The following NAALADL2 variants were observed in gnomAD, a reference collection of about 807,000 sequenced individuals.
NAALADL2 encodes the protein inactive N-acetylated-alpha-linked acidic dipeptidase-like protein 2.
In NAALADL2, 76 loss-of-function variants were observed where a neutral mutation model predicts 87.2. The observed-to-expected ratio is 0.87, with a 90% CI of 0.72 to 1.05. The LOEUF (loss-of-function observed/expected upper bound fraction) is 1.05. Ranked by LOEUF, NAALADL2 falls within the 50% of genes least tolerant of loss-of-function variation. The pLI is 0.00. For missense variants in NAALADL2, 1,089 were observed against 945.8 expected, an observed-to-expected ratio of 1.15 and a Z score of -1.99; for synonymous variants, 354 against 331.0, an observed-to-expected ratio of 1.07 and a Z score of -0.75.
intron 11 of NAALADL2, among the ~76,000 whole-genome samples, chr3:175,667,543 T>C (rs1172641436): frequency 1.3e-5 from 2 of 152,170 alleles, no homozygotes; most frequent in Non-Finnish European, 2.9e-5. Context: ...CTTTGAGTAC[T>C]ATTTTTATTG....
intron 3 of NAALADL2, among the ~76,000 whole-genome samples, chr3:175,247,563 A>G (rs1748213903): frequency 9.3e-6 from 1 of 107,754 alleles, no homozygotes; most frequent in African/African-American, 3.5e-5. Flanking sequence ...TGGGACATAT[A>G]CAACTCCAGC....
At position 175,122,433 on chromosome 3, in the gene NAALADL2, A is replaced by T. The variant is rs367579685; in HGVS notation, c.545+25142A>T. ...TGCATTGAGATGTAAAATATTAAGT[A>T]TATTCATGTTTATGAATAGGTGTAA... On this transcript the variant is annotated intron_variant, in intron 2 of 13. Coordinates refer to ENST00000454872, the MANE Select transcript of NAALADL2 (RefSeq NM_207015.3). Among the ~76,000 whole-genome samples the T allele has an allele frequency of 2.5e-4, 38 of 152,012 alleles. 1 individual carries two copies. In the South Asian group the frequency reaches 7.7e-3, roughly 31 times the overall value.
chr3:174,726,232 A>G (rs2108966897), intron 2 of NAALADL2, among the ~76,000 whole-genome samples: 1 of 152,256 alleles, frequency 6.6e-6, no homozygotes, highest in East Asian at 1.9e-4. Flanking sequence ...ACCAAGTGGA[A>G]AAGTTAATAA....
At chr3:174,797,179 A>G (rs1359469083) in intron 3 of NAALADL2, among the ~76,000 whole-genome samples, 2 of 151,958 alleles carry the variant, frequency 1.3e-5, no homozygotes, top group East Asian at 1.9e-4. Context: ...GCATTTGGCA[A>G]TCGAATTTTC....
intron 1 of NAALADL2, among the ~76,000 whole-genome samples, chr3:175,004,328 A>T (rs1212281271): frequency 2.2e-5 from 3 of 137,104 alleles, no homozygotes; most frequent in Non-Finnish European, 3.1e-5. Flanking sequence ...ACAGTGAGCC[A>T]TGTTCACGCC....
chr3:175,284,007 C>T (rs1754660100), intron 4 of NAALADL2, among the ~76,000 whole-genome samples: 1 of 152,150 alleles, frequency 6.6e-6, no homozygotes, highest in Admixed American at 6.5e-5. Context: ...TCCTTGCACC[C>T]TCAAAACTTC....
intron 3 of NAALADL2, among the ~76,000 whole-genome samples, chr3:174,765,869 T>C (rs1713743445): frequency 6.6e-6 from 1 of 152,112 alleles, no homozygotes; most frequent in African/African-American, 2.4e-5. Flanking sequence ...GTAAAAGAAA[T>C]GATAGAGGAG....
chr3:174,600,388 C>T (rs1376806524), intron 2 of NAALADL2, among the ~76,000 whole-genome samples: 1 of 151,988 alleles, frequency 6.6e-6, no homozygotes, highest in Non-Finnish European at 1.5e-5. Flanking sequence ...TTACTGTTTA[C>T]AATATACCTT....
intron 11 of NAALADL2, among the ~76,000 whole-genome samples, chr3:175,648,031 C>T (rs1008871085): frequency 3.3e-5 from 5 of 152,204 alleles, no homozygotes; most frequent in Non-Finnish European, 7.3e-5. Context: ...CATGTTTTGT[C>T]TTTCCATTCT....
At chr3:174,860,123 T>C (rs1249475358) in intron 1 of NAALADL2, among the ~76,000 whole-genome samples, 1 of 152,122 alleles carries the variant, frequency 6.6e-6, no homozygotes, top group Non-Finnish European at 1.5e-5. Flanking sequence ...ACAAAAGTTA[T>C]TTCTTAAAGA....
At chr3:175,493,813 T>C (rs543750019) in intron 9 of NAALADL2, among the ~76,000 whole-genome samples, 2 of 152,240 alleles carry the variant, frequency 1.3e-5, no homozygotes, top group East Asian at 3.9e-4. Context: ...TTAAAAACTA[T>C]TGTCGGAACT....
intron 5 of NAALADL2, among the ~76,000 whole-genome samples, chr3:175,420,977 AG>A (rs1488380845): frequency 6.6e-6 from 1 of 152,070 alleles, no homozygotes; most frequent in African/African-American, 2.4e-5. Flanking sequence ...TCATACTTAG[AG>A]GTTAGAAGTA....
At chr3:175,800,615 G>A (rs576739342) in intron 13 of NAALADL2, among the ~76,000 whole-genome samples, 61 of 152,060 alleles carry the variant, frequency 4.0e-4, no homozygotes, top group African/African-American at 1.2e-3. Flanking sequence ...ATACAAAATC[G>A]ACTGTTCTTC....
At chr3:175,018,889 C>T (rs1751204682) in intron 1 of NAALADL2, among the ~76,000 whole-genome samples, 1 of 152,024 alleles carries the variant, frequency 6.6e-6, no homozygotes, top group African/African-American at 2.4e-5. Flanking sequence ...AAAGGCTGAC[C>T]ACTAAAACTT....
At chr3:175,309,377 G>A (rs9832432) in intron 4 of NAALADL2, among the ~76,000 whole-genome samples, 1 of 151,800 alleles carries the variant, frequency 6.6e-6, no homozygotes, top group East Asian at 1.9e-4. Flanking sequence ...GTAGAGACAG[G>A]GTTTCACCAT....
At chr3:175,389,589 A>G (rs1768833840) in intron 5 of NAALADL2, among the ~76,000 whole-genome samples, 1 of 152,212 alleles carries the variant, frequency 6.6e-6, no homozygotes, top group Non-Finnish European at 1.5e-5. Flanking sequence ...TGAATGATTT[A>G]TCCTGTCTTT....
intron 10 of NAALADL2, among the ~76,000 whole-genome samples, chr3:175,594,194 T>A (rs1721934266): frequency 6.6e-6 from 1 of 152,040 alleles, no homozygotes; most frequent in Non-Finnish European, 1.5e-5. Context: ...GTTCCCATGT[T>A]TATATTCATG....
At chr3:175,309,397 G>T (rs1758074747) in intron 4 of NAALADL2, among the ~76,000 whole-genome samples, 4 of 151,956 alleles carry the variant, frequency 2.6e-5, no homozygotes, top group Admixed American at 2.6e-4. Flanking sequence ...TGTTGGCCAG[G>T]CTGGTCTCAA....
chr3:175,215,867 C>T (rs1050045528), intron 2 of NAALADL2, among the ~76,000 whole-genome samples: 8 of 152,102 alleles, frequency 5.3e-5, no homozygotes, highest in Non-Finnish European at 1.2e-4. Context: ...ATGGATGGGT[C>T]TAGTCAGATA....
Sources: gnomAD v4.1 joint callset for allele counts (sites outside exome capture counted in the v4.1 genomes callset) on GRCh38, gnomAD v4.1.1 for gene constraint, MANE v1.5 for transcripts, NCBI Gene and HGNC (gene_info 2026-07-23, HGNC 2026-07-21) for gene names.